Variants in ACOXL observed in about 807,000 individuals in gnomAD.
The protein encoded by ACOXL is acyl-coenzyme A oxidase-like protein.
ACOXL carries 70 observed loss-of-function variants against 71.9 expected under a neutral mutation model. The observed-to-expected ratio is 0.97, with a 90% confidence interval of 0.80 to 1.19. ACOXL has a LOEUF of 1.19. Ranked by LOEUF, ACOXL falls within the 50% of genes most tolerant of loss-of-function variation. ACOXL has a pLI of 0.00. For synonymous variants in ACOXL, 253 were observed against 281.6 expected (o/e 0.90, Z 1.02); for missense variants, 703 against 736.3 (o/e 0.95, Z 0.52).
At chr2:110,749,464 G>A (rs1170670941) in intron 1 of ACOXL, among the ~76,000 whole-genome samples, 5 of 152,154 alleles carry the variant, frequency 3.3e-5, no homozygotes, top group Admixed American at 6.5e-5. Context: ...GGTGGCTCAC[G>A]CCTGTAATCT....
At chr2:110,791,427 G>A (rs1361536126) in intron 3 of ACOXL, among the ~76,000 whole-genome samples, 5 of 152,210 alleles carry the variant, frequency 3.3e-5, no homozygotes, top group African/African-American at 1.2e-4. Flanking sequence ...CAGCCAAAGA[G>A]ATTTAGAGGT....
chr2:110,913,934 C>A (rs766035565), intron 11 of ACOXL, among the ~76,000 whole-genome samples: 2 of 152,150 alleles, frequency 1.3e-5, no homozygotes, highest in Non-Finnish European at 2.9e-5. Flanking sequence ...ATACCTCCCA[C>A]CATGTCTCAC....
chr2:111,061,804 A>G (rs2066829809), intron 16 of ACOXL, among the ~76,000 whole-genome samples: 1 of 152,110 alleles, frequency 6.6e-6, no homozygotes, highest in African/African-American at 2.4e-5. Flanking sequence ...TACAAAATGT[A>G]ATACCTGGAG....
intron 9 of ACOXL, among the ~76,000 whole-genome samples, chr2:110,812,667 G>T (rs1175607057): frequency 1.3e-5 from 2 of 152,238 alleles, no homozygotes; most frequent in Non-Finnish European, 2.9e-5. Flanking sequence ...TTTCCTCAAA[G>T]ACCGAAGAGC....
At chr2:110,751,779 C>A (rs1678997919) in intron 1 of ACOXL, among the ~76,000 whole-genome samples, 1 of 152,154 alleles carries the variant, frequency 6.6e-6, no homozygotes, top group South Asian at 2.1e-4. Flanking sequence ...GTGTTTTTCA[C>A]CCCAGTATTG....
chr2:110,892,680 A>G (rs1251486932), intron 10 of ACOXL, among the ~76,000 whole-genome samples: 2 of 152,154 alleles, frequency 1.3e-5, no homozygotes, highest in African/African-American at 4.8e-5. Context: ...TATTTTTTCA[A>G]TTGTAAAATC....
intron 12 of ACOXL, among the ~76,000 whole-genome samples, chr2:110,947,846 T>G (rs1435472103): frequency 6.6e-6 from 1 of 152,190 alleles, no homozygotes; most frequent in Non-Finnish European, 1.5e-5. Flanking sequence ...ACAACCACAT[T>G]CTTTACAAGG....
At position 110,987,197 on chromosome 2, in the gene ACOXL, G is replaced by T. The variant is rs138625972; in HGVS notation, c.1149G>T (p.Val383=). Residue 383 remains valine (V), a synonymous_variant, in exon 13 of 18, where the codon GTG becomes GTT. Transcript: ENST00000439055. ...TGCTCCAAAACTGGGCTGAATCTGT[G>T]GGGGACAAGCTGAGAACCAGGTACG... ...FGLLQNWAES[V]GDKLRTSFLA... is the part of the protein sequence containing the mutation. 1 of 1,575,208 alleles carries T rather than the reference G, an allele frequency of 6.3e-7. No individual in the cohort carries two copies.
At chr2:110,859,338 T>C (rs1408938973) in intron 10 of ACOXL, among the ~76,000 whole-genome samples, 1 of 152,218 alleles carries the variant, frequency 6.6e-6, no homozygotes, top group Non-Finnish European at 1.5e-5. Flanking sequence ...TTGTTTCGTG[T>C]GCTGTGCATT....
chr2:110,757,522 G>T (rs1679853217), intron 1 of ACOXL, among the ~76,000 whole-genome samples: 1 of 152,130 alleles, frequency 6.6e-6, no homozygotes, highest in Non-Finnish European at 1.5e-5. Context: ...TACCAACAGT[G>T]TAAAAGTGTT....
intron 12 of ACOXL, among the ~76,000 whole-genome samples, chr2:110,958,205 AT>A (rs2061574582): frequency 1.3e-5 from 2 of 152,136 alleles, no homozygotes; most frequent in African/African-American, 4.8e-5. Context: ...TTCCAACTAA[AT>A]TTTTAGTTTT....
At chr2:110,912,219 T>C (rs1239225613) in intron 11 of ACOXL, among the ~76,000 whole-genome samples, 2 of 152,170 alleles carry the variant, frequency 1.3e-5, no homozygotes, top group African/African-American at 4.8e-5. Flanking sequence ...TATAAAGCAG[T>C]CTCTATCAAA....
intron 16 of ACOXL, among the ~76,000 whole-genome samples, chr2:111,062,182 A>G (rs2066850434): frequency 6.6e-6 from 1 of 152,106 alleles, no homozygotes; most frequent in Non-Finnish European, 1.5e-5. Context: ...CTATATTAAT[A>G]TCAGATAAAG....
At chr2:110,834,514 G>A (rs980480212) in intron 9 of ACOXL, among the ~76,000 whole-genome samples, 8 of 152,228 alleles carry the variant, frequency 5.3e-5, no homozygotes, top group African/African-American at 7.2e-5. Flanking sequence ...CAGCGGTTCC[G>A]GAGTCTTGGT....
intron 3 of ACOXL, among the ~76,000 whole-genome samples, chr2:110,788,356 AATT>A (rs781664840): frequency 1.3e-4 from 20 of 152,376 alleles, no homozygotes; most frequent in Non-Finnish European, 2.5e-4. Flanking sequence ...TGAACCTTGA[AATT>A]ATTAAGTGAA....
At chr2:110,894,705 G>A (rs1022578637) in intron 10 of ACOXL, among the ~76,000 whole-genome samples, 1 of 152,168 alleles carries the variant, frequency 6.6e-6, no homozygotes, top group African/African-American at 2.4e-5. Context: ...ACCTCCTGCA[G>A]TGGTGGTGTT....
chr2:110,784,799 T>C lies in ACOXL; in HGVS notation c.143T>C (p.Met48Thr). The C allele has an allele frequency of 6.2e-7, 1 of 1,606,644 alleles. No individual in the cohort carries two copies. The highest frequency in any genetic ancestry group is 8.5e-7 in the Non-Finnish European group (1 of 1,177,544). ...GGAGAAGTCCTCTCCATGGCGGACATGGCCACAGGAGTGAAGGTGAGAGGC... is the reference window on the plus strand; with the variant it reads ...GGAGAAGTCCTCTCCATGGCGGACACGGCCACAGGAGTGAAGGTGAGAGGC... ...VIGEVLSMADMATGVKCGIIY... is the reference protein window; with the variant it reads ...VIGEVLSMADTATGVKCGIIY... The change falls in exon 3 of 18, where the codon ATG becomes ACG. Residue 48 changes from methionine to threonine, a missense_variant. Transcript: ENST00000439055.
At chr2:110,807,659 C>T (rs1686830913) in intron 9 of ACOXL, among the ~76,000 whole-genome samples, 1 of 152,162 alleles carries the variant, frequency 6.6e-6, no homozygotes, top group Non-Finnish European at 1.5e-5. Flanking sequence ...CAGCAGGGTC[C>T]AGGCACCCTG....
intron 10 of ACOXL, among the ~76,000 whole-genome samples, chr2:110,842,950 C>T (rs1691349122): frequency 6.6e-6 from 1 of 152,202 alleles, no homozygotes; most frequent in South Asian, 2.1e-4. Context: ...GACGGGTGCT[C>T]TTCCCTTGTA....
Sources: gnomAD v4.1 joint callset for allele counts (sites outside exome capture counted in the v4.1 genomes callset) on GRCh38, gnomAD v4.1.1 for gene constraint, MANE v1.5 for transcripts, NCBI Gene and HGNC (gene_info 2026-07-23, HGNC 2026-07-21) for gene names.